Variants in LPP observed in about 807,000 individuals in gnomAD.
LPP encodes the protein lipoma-preferred partner.
In LPP, 38 loss-of-function variants were observed where a neutral mutation model predicts 60.4. The ratio of observed to expected loss-of-function variants is 0.63; its 90% confidence interval spans 0.49 to 0.83. The LOEUF is 0.83. Among genes scored for constraint, LPP ranks in the 40% least tolerant of loss-of-function variants. The probability of loss-of-function intolerance (pLI) is 0.00; values close to 1 mark genes in which losing one functional copy is unlikely to be tolerated. For missense variants in LPP, 902 were observed against 783.6 expected (o/e 1.15, Z -1.80); for synonymous variants, 328 against 290.8 (o/e 1.13, Z -1.30).
intron 2 of LPP, chr3:188,247,261 GA>G (rs71669951): frequency 0.044 from 20,767 of 468,398 alleles, 1 homozygote; most frequent in Non-Finnish European, 0.052. Context: ...ACTTTAGTGG[GA>G]AAAAAAAAAA....
intron 4 of LPP, among the ~76,000 whole-genome samples, chr3:188,453,951 T>C (rs985866130): frequency 6.6e-5 from 10 of 152,200 alleles, no homozygotes; most frequent in African/African-American, 2.4e-4. Flanking sequence ...ATTCTTCTCA[T>C]TCCATATATG....
chr3:188,598,597 A>G lies in LPP; in HGVS notation c.430-10564A>G, dbSNP rs144496785. Among the ~76,000 whole-genome samples, 52 of 152,312 alleles carry G rather than the reference A, an allele frequency of 3.4e-4. 1 individual carries two copies. Among genetic ancestry groups the G allele is most frequent in the African/African-American group, 1.2e-3 (51 of 41,584 alleles). Reference sequence around the variant, plus strand: ...GTTAACCTTGAAACATAACTGATTTATATAGTTTTTGTCAATATACATATG... The same window carrying G: ...GTTAACCTTGAAACATAACTGATTTGTATAGTTTTTGTCAATATACATATG... On this transcript the variant is annotated intron_variant, in intron 6 of 11. Transcript: ENST00000617246.
intron 9 of LPP, among the ~76,000 whole-genome samples, chr3:188,844,000 C>T (rs1292319667): frequency 2.0e-5 from 3 of 151,942 alleles, no homozygotes; most frequent in African/African-American, 7.3e-5. Context: ...AAGAAAATTT[C>T]CCTAAAAAGT....
At chr3:188,504,795 GAA>G (rs58624757) in intron 5 of LPP, among the ~76,000 whole-genome samples, 12 of 133,586 alleles carry the variant, frequency 9.0e-5, no homozygotes, top group East Asian at 8.3e-4. Flanking sequence ...AATAAAGGAA[GAA>G]AAAAAAAAAA....
At chr3:188,468,492 C>A (rs963949711) in intron 4 of LPP, among the ~76,000 whole-genome samples, 3 of 152,092 alleles carry the variant, frequency 2.0e-5, no homozygotes, top group Non-Finnish European at 4.4e-5. Context: ...TGTAGACTAG[C>A]GGACCTCTTT....
intron 3 of LPP, among the ~76,000 whole-genome samples, chr3:188,394,940 C>T (rs1214679416): frequency 1.3e-5 from 2 of 151,882 alleles, no homozygotes; most frequent in East Asian, 1.9e-4. Flanking sequence ...CAAAACTAGC[C>T]TCTCTTACAA....
chr3:188,800,467 C>G (rs13073813), intron 9 of LPP, among the ~76,000 whole-genome samples: 90,702 of 151,608 alleles, frequency 0.6, 27,509 homozygotes, highest in East Asian at 0.79. Flanking sequence ...GGATGGTCTC[C>G]ATCTCCTGAC....
rs113163605 is a variant in LPP, at chr3:188,239,223, G to A, written c.-67+13696G>A. 2.1e-3 allele frequency among the ~76,000 whole-genome samples: 326 copies of A among 152,270 alleles called. 3 individuals carry two copies. The highest frequency in any genetic ancestry group is 7.4e-3 in the Admixed American group (113 of 15,306). On this transcript the variant is annotated intron_variant, in intron 2 of 11. Transcript: ENST00000617246. ...CACCTGCAGGGATGCCTGGGCCCTG[G>A]GTGCAGATGGGCAATCGTAAGCCTA...
chr3:188,171,819 T>C (rs1326843200), intron 1 of LPP, among the ~76,000 whole-genome samples: 1 of 152,188 alleles, frequency 6.6e-6, no homozygotes, highest in Non-Finnish European at 1.5e-5. Flanking sequence ...AAACTGGTCA[T>C]GTGGAAAGCT....
intron 9 of LPP, among the ~76,000 whole-genome samples, chr3:188,840,077 C>CGGTGTATCTAGT (rs1439536777): frequency 2.6e-5 from 4 of 152,018 alleles, no homozygotes; most frequent in Non-Finnish European, 4.4e-5. Flanking sequence ...GAAGACACAA[C>CGGTGTATCTAGT]GGTGTATCAC....
intron 3 of LPP, among the ~76,000 whole-genome samples, chr3:188,386,795 AC>A (rs1380180999): frequency 2.0e-5 from 3 of 152,134 alleles, no homozygotes; most frequent in African/African-American, 7.2e-5. Context: ...TTTAATTCAA[AC>A]TCCAGCCCAT....
chr3:188,372,107 A>G (rs1773446916), intron 3 of LPP, among the ~76,000 whole-genome samples: 1 of 151,872 alleles, frequency 6.6e-6, no homozygotes, highest in South Asian at 2.1e-4. Context: ...GATGCCTCTC[A>G]TATAAGGTAG....
chr3:188,156,660 C>T (rs1364009005), intron 1 of LPP, among the ~76,000 whole-genome samples: 1 of 152,020 alleles, frequency 6.6e-6, no homozygotes, highest in Non-Finnish European at 1.5e-5. Context: ...ATCGTGAAAC[C>T]CCGTCTCTAC....
intron 8 of LPP, among the ~76,000 whole-genome samples, chr3:188,733,811 G>A (rs1035035146): frequency 6.6e-6 from 1 of 152,144 alleles, no homozygotes; most frequent in Non-Finnish European, 1.5e-5. Flanking sequence ...TGGAATTCAT[G>A]TGGCTGTTTA....
chr3:188,301,537 GCTT>G (rs1367847623), intron 2 of LPP, among the ~76,000 whole-genome samples: 1 of 152,126 alleles, frequency 6.6e-6, no homozygotes, highest in Non-Finnish European at 1.5e-5. Flanking sequence ...CTATTGTATA[GCTT>G]CAGAGTAGTT....
Position 188,750,381 on chromosome 3 carries a change from A to C in LPP, c.1241-9732A>C, listed in dbSNP as rs1727674461. Among the ~76,000 whole-genome samples, 6 of 152,206 alleles carry C rather than the reference A, an allele frequency of 3.9e-5. No homozygotes were observed. In the South Asian group the frequency reaches 1.2e-3, roughly 32 times the overall value. On this transcript the variant is annotated intron_variant, in intron 8 of 11. Transcript: ENST00000617246. The stretch of plus-strand genomic sequence containing the variant: ...TGTGGTGGTTCACACTTGTAATTCC[A>C]GCACTTTGGGAGGCCGAGATGGGTG...
chr3:188,745,836 CT>C (rs1009244657), intron 8 of LPP, among the ~76,000 whole-genome samples: 1 of 152,076 alleles, frequency 6.6e-6, no homozygotes, highest in African/African-American at 2.4e-5. Flanking sequence ...TTGGAGCATA[CT>C]TTGAAAGCCT....
intron 4 of LPP, among the ~76,000 whole-genome samples, chr3:188,465,406 T>C (rs1455501201): frequency 6.6e-6 from 1 of 152,190 alleles, no homozygotes; most frequent in Non-Finnish European, 1.5e-5. Flanking sequence ...GTGAAGTGAA[T>C]TGGACCATCC....
At chr3:188,693,064 G>T (rs1347332791) in intron 7 of LPP, among the ~76,000 whole-genome samples, 1 of 152,118 alleles carries the variant, frequency 6.6e-6, no homozygotes, top group Admixed American at 6.5e-5. Context: ...TACTCATGGT[G>T]GTATCATGAA....
Sources: allele counts gnomAD v4.1 joint callset (sites outside exome capture counted in the v4.1 genomes callset), GRCh38; gene constraint gnomAD v4.1.1; transcripts MANE v1.5; gene names NCBI Gene and HGNC (gene_info 2026-07-23, HGNC 2026-07-21).